The following NRXN3 variants were observed in gnomAD, a reference collection of about 807,000 sequenced individuals.
NRXN3 encodes the protein neurexin III.
In NRXN3, 32 loss-of-function variants were observed where a neutral mutation model predicts 137.6. The observed-to-expected ratio is 0.23, with a 90% CI of 0.18 to 0.31. The LOEUF (loss-of-function observed/expected upper bound fraction) is 0.31, where lower values mean the gene tolerates loss of function less well. Ranked by LOEUF, NRXN3 falls within the 10% of genes least tolerant of loss-of-function variation. The pLI, the probability that NRXN3 is intolerant of heterozygous loss-of-function variation, is 1.00. For missense variants in NRXN3, 1,574 were observed against 2,062.5 expected, an observed-to-expected ratio of 0.76 and a Z score of 4.59; for synonymous variants, 798 against 784.5, an observed-to-expected ratio of 1.02 and a Z score of -0.29.
rs571681907 is a variant in NRXN3 at position 79,702,356 on chromosome 14, A to C, written c.4014+4419A>C. On this transcript the variant is annotated intron_variant, in intron 19 of 20. Transcript: ENST00000335750. ...AGGGCAAGAGGGTTTGACATGAGCT[A>C]TCCATATGAAGTAGTGACTCATGAA... 2.4e-4 allele frequency among the ~76,000 whole-genome samples: 36 copies of C among 152,158 alleles called. 2 individuals are homozygous for C. The East Asian group carries it at 5.4e-3, about 23-fold the overall frequency.
intron 20 of NRXN3, among the ~76,000 whole-genome samples, chr14:79,822,255 G>A (rs575321052): frequency 2.0e-5 from 3 of 152,096 alleles, no homozygotes; most frequent in South Asian, 2.1e-4. Flanking sequence ...TCCCAAGCTC[G>A]AATTTAAAAC....
chr14:78,471,806 A>G (rs541479151), intron 4 of NRXN3, among the ~76,000 whole-genome samples: 128 of 152,328 alleles, frequency 8.4e-4, no homozygotes, highest in Non-Finnish European at 1.2e-3. Flanking sequence ...AGGGTGAAAC[A>G]ATGCAAAGGG....
chr14:78,823,160 T>A (rs2098956105), intron 10 of NRXN3, among the ~76,000 whole-genome samples: 1 of 152,358 alleles, frequency 6.6e-6, no homozygotes, highest in African/African-American at 2.4e-5. Context: ...AACATTAGAA[T>A]GCCATAATTC....
At chr14:78,899,498 C>T (rs2099188691) in intron 10 of NRXN3, among the ~76,000 whole-genome samples, 1 of 151,894 alleles carries the variant, frequency 6.6e-6, no homozygotes, top group African/African-American at 2.4e-5. Context: ...TGTATGGTTG[C>T]CAGGGATGAT....
chr14:78,722,088 C>T (rs572896870), intron 8 of NRXN3, among the ~76,000 whole-genome samples: 1 of 152,218 alleles, frequency 6.6e-6, no homozygotes, highest in East Asian at 1.9e-4. Context: ...ACAGCTGGTC[C>T]TGTTACTCTA....
intron 17 of NRXN3, among the ~76,000 whole-genome samples, chr14:79,691,745 G>A (rs547682282): frequency 1.4e-4 from 21 of 152,110 alleles, no homozygotes; most frequent in African/African-American, 4.1e-4. Context: ...ATGGGAATAC[G>A]GTAGATTAAT....
intron 6 of NRXN3, among the ~76,000 whole-genome samples, chr14:78,657,627 A>G (rs2097795267): frequency 6.6e-6 from 1 of 152,202 alleles, no homozygotes; most frequent in Admixed American, 6.5e-5. Flanking sequence ...GCCATTTAAA[A>G]CCGAATGGAG....
intron 6 of NRXN3, among the ~76,000 whole-genome samples, chr14:78,691,720 G>C (rs999791557): frequency 2.6e-5 from 4 of 151,622 alleles, no homozygotes; most frequent in Admixed American, 6.6e-5. Flanking sequence ...TTTCTTCAAG[G>C]CATGCCATGT....
intron 15 of NRXN3, among the ~76,000 whole-genome samples, chr14:79,334,759 G>T (rs1379257708): frequency 1.3e-5 from 2 of 152,180 alleles, no homozygotes; most frequent in Non-Finnish European, 2.9e-5. Flanking sequence ...ACATTATTAT[G>T]ATGTCCTCGG....
rs1397451233 is a variant in NRXN3 at position 78,670,361 on chromosome 14, TTTGGGTATA to T, written c.1221+19040_1221+19048del. Among the ~76,000 whole-genome samples the T allele has an allele frequency of 1.2e-4, 19 of 152,312 alleles. No individual in the cohort carries two copies. The East Asian group carries it at 3.7e-3, about 29-fold the overall frequency. On this transcript the variant is annotated intron_variant, in intron 6 of 20. Coordinates refer to ENST00000335750, the MANE Select transcript of NRXN3 (RefSeq NM_001330195.2). ...TTTATCGTAGAATGATTTATAGTCCTTTGGGTATATTGGCCGGCTTCTTTACCACATTCT... is the reference window on the plus strand; with the variant it reads ...TTTATCGTAGAATGATTTATAGTCCTTTGGCCGGCTTCTTTACCACATTCT...
intron 13 of NRXN3, 57 bp downstream of exon 13, chr14:78,967,455 T>C: frequency 7.8e-7 from 1 of 1,289,246 alleles, no homozygotes; most frequent in Admixed American, 2.0e-5. Flanking sequence ...ATAGATAGAC[T>C]ATTTCCAGAG....
At chr14:78,992,012 C>A (rs1195378022) in intron 15 of NRXN3, among the ~76,000 whole-genome samples, 1 of 152,156 alleles carries the variant, frequency 6.6e-6, no homozygotes, top group African/African-American at 2.4e-5. Context: ...TTCTTTAGAG[C>A]TGATTGTCTT....
chr14:79,393,779 G>A (rs2094931735), intron 15 of NRXN3, among the ~76,000 whole-genome samples: 1 of 152,314 alleles, frequency 6.6e-6, no homozygotes, highest in African/African-American at 2.4e-5. Context: ...TGCTGCCACT[G>A]CACTCCAGCC....
chr14:78,693,910 A>G (rs1204393137), intron 6 of NRXN3, among the ~76,000 whole-genome samples: 1 of 151,898 alleles, frequency 6.6e-6, no homozygotes, highest in Non-Finnish European at 1.5e-5. Context: ...CACTCCCACT[A>G]TACTGTGCAA....
intron 8 of NRXN3, among the ~76,000 whole-genome samples, chr14:78,766,841 C>G (rs756798127): frequency 6.6e-6 from 1 of 152,190 alleles, no homozygotes; most frequent in African/African-American, 2.4e-5. Context: ...AACTCTCACT[C>G]TCCTCATCTT....
At position 78,341,896 on chromosome 14, in the gene NRXN3, C is replaced by G. The variant is rs184278878; in HGVS notation, c.757+44036C>G. ...TCCCTTCTTGAGGGGACAGAGAACC[C>G]CAGAATAGGGAAGTTGGGCTCTAAC... On this transcript the variant is annotated intron_variant, in intron 4 of 20. Transcript: ENST00000335750. Among the ~76,000 whole-genome samples the G allele has an allele frequency of 4.5e-3, 687 of 152,226 alleles. 8 individuals carry two copies. Among genetic ancestry groups the G allele is most frequent in the African/African-American group, 0.016 (651 of 41,544 alleles).
intron 16 of NRXN3, among the ~76,000 whole-genome samples, chr14:79,545,458 C>T (rs1011144840): frequency 3.9e-5 from 6 of 152,028 alleles, no homozygotes; most frequent in Admixed American, 6.6e-5. Context: ...TTCTGCCTCC[C>T]CTTCCACCTT....
intron 17 of NRXN3, among the ~76,000 whole-genome samples, chr14:79,666,062 T>G (rs556145938): frequency 6.6e-4 from 100 of 152,216 alleles, no homozygotes; most frequent in African/African-American, 2.4e-3. Flanking sequence ...CATTGAAATA[T>G]TTGGTGCCTC....
Position 79,160,345 on chromosome 14 carries a change from T to G in NRXN3, c.3262+172204T>G, listed in dbSNP as rs113013267. Reference sequence around the variant, plus strand: ...ACCTGGATTCTCCCACTCCCCAGCTTTTAAATTTAGTCCATTCTATGTAGT... The same window carrying G: ...ACCTGGATTCTCCCACTCCCCAGCTGTTAAATTTAGTCCATTCTATGTAGT... On this transcript the variant is annotated intron_variant, in intron 15 of 20. Coordinates refer to ENST00000335750, the MANE Select transcript of NRXN3 (RefSeq NM_001330195.2). Among the ~76,000 whole-genome samples, 352 of 152,060 alleles carry G rather than the reference T, an allele frequency of 2.3e-3. 2 individuals are homozygous for G. Among genetic ancestry groups the G allele is most frequent in the African/African-American group, 7.9e-3 (327 of 41,538 alleles).
Sources: gnomAD v4.1 joint callset for allele counts (sites outside exome capture counted in the v4.1 genomes callset) on GRCh38, gnomAD v4.1.1 for gene constraint, MANE v1.5 for transcripts, NCBI Gene and HGNC (gene_info 2026-07-23, HGNC 2026-07-21) for gene names.